COLEC11: variants seen among roughly 807,000 people sequenced by gnomAD.
COLEC11 encodes collectin subfamily member 11, also known as collectin-11.
In COLEC11, 20 loss-of-function variants were observed where a neutral mutation model predicts 27.3. The ratio of observed to expected loss-of-function variants is 0.73; its 90% CI spans 0.51 to 1.06. The LOEUF (loss-of-function observed/expected upper bound fraction) is 1.06, where lower values mean the gene tolerates loss of function less well. Ranked by LOEUF, COLEC11 falls within the 50% of genes least tolerant of loss-of-function variation. The probability of loss-of-function intolerance (pLI) is 0.00; values close to 1 mark genes in which losing one functional copy is unlikely to be tolerated. For synonymous variants in COLEC11, 163 were observed against 154.7 expected, an observed-to-expected ratio of 1.05 and a Z score of -0.40; for missense variants, 310 against 383.0, an observed-to-expected ratio of 0.81 and a Z score of 1.59.
intron 2 of COLEC11, among the ~76,000 whole-genome samples, chr2:3,607,470 G>A (rs1662822165): frequency 3.2e-5 from 1 of 31,070 alleles, no homozygotes; most frequent in Non-Finnish European, 1.1e-4. Flanking sequence ...TTTTTGAGAT[G>A]GAGTTTCTCT....
At chr2:3,596,246 A>G (rs1432304869) in intron 1 of COLEC11, among the ~76,000 whole-genome samples, 1 of 152,154 alleles carries the variant, frequency 6.6e-6, no homozygotes, top group African/African-American at 2.4e-5. Context: ...TGGTGCCTGT[A>G]AGATGCTGGG....
Position 3,637,208 on chromosome 2 carries a change from C to T in COLEC11, c.203-325C>T, listed in dbSNP as rs539942269. Among the ~76,000 whole-genome samples the T allele has an allele frequency of 3.9e-5, 6 of 152,246 alleles. No homozygotes were observed. In the South Asian group the frequency reaches 6.2e-4, roughly 16 times the overall value. ...CTGCCTTGCTGGGATGGAGGAAAGA[C>T]GAGCTCTCGTCTCACACAGGCACGG... On this transcript the variant is annotated intron_variant, in intron 3 of 6. Coordinates refer to ENST00000349077, the MANE Select transcript of COLEC11 (RefSeq NM_024027.5).
At chr2:3,626,258 T>C (rs1290539741) in intron 3 of COLEC11, among the ~76,000 whole-genome samples, 2 of 152,274 alleles carry the variant, frequency 1.3e-5, no homozygotes, top group Non-Finnish European at 2.9e-5. Flanking sequence ...TTAGGCACAA[T>C]GCGGTCCCAG....
In COLEC11 at chr2:3,596,024, C is replaced by T. The variant is rs533925133; in HGVS notation, c.-27+856C>T. 2.2e-4 allele frequency among the ~76,000 whole-genome samples: 33 copies of T among 152,248 alleles called. No homozygotes were observed. The South Asian group carries it at 5.0e-3, about 23-fold the overall frequency. ...GAGAGCACACCGGTAATGTGCTGACCGCTGGGGGAAGATAAGAGAGGATAG... is the reference window on the plus strand; with the variant it reads ...GAGAGCACACCGGTAATGTGCTGACTGCTGGGGGAAGATAAGAGAGGATAG... On this transcript the variant is annotated intron_variant, in intron 1 of 6. Coordinates refer to ENST00000349077, the MANE Select transcript of COLEC11 (RefSeq NM_024027.5).
intron 3 of COLEC11, chr2:3,626,165 C>G: frequency 8.2e-7 from 1 of 1,223,610 alleles, no homozygotes; most frequent in Non-Finnish European, 1.2e-6. Context: ...AACCACTCTT[C>G]CCATGGCCAC....
At chr2:3,619,411 A>G (rs1163157818) in intron 3 of COLEC11, among the ~76,000 whole-genome samples, 1 of 152,184 alleles carries the variant, frequency 6.6e-6, no homozygotes, top group Non-Finnish European at 1.5e-5. Context: ...TGGACTTCTC[A>G]TACATGGCCT....
chr2:3,619,323 G>A (rs919643280), intron 3 of COLEC11, among the ~76,000 whole-genome samples: 1 of 152,012 alleles, frequency 6.6e-6, no homozygotes, highest in African/African-American at 2.4e-5. Context: ...TACAAGAGGC[G>A]AGAATGGGCA....
chr2:3,626,898 G>A (rs1464940198), intron 3 of COLEC11, among the ~76,000 whole-genome samples: 3 of 152,164 alleles, frequency 2.0e-5, no homozygotes, highest in Non-Finnish European at 4.4e-5. Context: ...GGGCGCAGAT[G>A]GGCTGGGAAC....
At chr2:3,617,642 T>C (rs533544472) in intron 3 of COLEC11, 127 of 1,612,166 alleles carry the variant, frequency 7.9e-5, no homozygotes, top group Non-Finnish European at 9.5e-5. Flanking sequence ...TTTCGACTTA[T>C]CGAATTTCTC....
In COLEC11 at chr2:3,644,596, C is replaced by T. The variant is rs1666133550; in HGVS notation, c.*478C>T. On this transcript the variant is annotated 3_prime_UTR_variant, in exon 7 of 7. Transcript: ENST00000349077. Reference sequence around the variant, plus strand: ...TCCATGTAAAAACAATTTTGCTTTGCTTCAAACCCAGATTTCAGGAAAACA... The same window carrying T: ...TCCATGTAAAAACAATTTTGCTTTGTTTCAAACCCAGATTTCAGGAAAACA... 8.1e-6 allele frequency: 3 copies of T among 368,832 alleles called. No homozygotes were observed. The highest frequency in any genetic ancestry group is 6.2e-5 in the South Asian group (3 of 48,412). The allele number at this position is 368,832 out of a possible 1,614,324, so 22.8% of individuals were successfully genotyped here.
intron 5 of COLEC11, chr2:3,641,218 A>T (rs986574915): frequency 2.8e-5 from 37 of 1,304,022 alleles, no homozygotes; most frequent in Non-Finnish European, 3.6e-5. Context: ...GGATTTCTGA[A>T]TAAAAGTCCT....
At position 3,644,529 on chromosome 2, in the gene COLEC11, T is replaced by G; in HGVS notation, c.*411T>G. On this transcript the variant is annotated 3_prime_UTR_variant, in exon 7 of 7. Transcript: ENST00000349077. ...GAAAAGAACTCACTTTGACCAACAC[T>G]TCTGTAAATTACATTACAATATAGG... 1 of 457,192 alleles carries G rather than the reference T, an allele frequency of 2.2e-6. No homozygotes were observed. The highest frequency in any genetic ancestry group is 4.3e-6 in the Non-Finnish European group (1 of 230,928). The allele number at this position is 457,192 out of a possible 1,614,324, so 28.3% of individuals were successfully genotyped here.
In COLEC11 at chr2:3,602,402, T is replaced by C. The variant is rs114561096; in HGVS notation, c.-26-1913T>C. ...TGTTTCTCAGCAGCTGGCTGCACTGTTCACCTGGCTGCTCAGAACAAAAGC... is the reference window on the plus strand; with the variant it reads ...TGTTTCTCAGCAGCTGGCTGCACTGCTCACCTGGCTGCTCAGAACAAAAGC... On this transcript the variant is annotated intron_variant, in intron 1 of 6. Coordinates refer to ENST00000349077, the MANE Select transcript of COLEC11 (RefSeq NM_024027.5). This position sits in a 1 kb window ranked among gnomAD's most constrained non-coding sequence, Gnocchi z 6.2. Among the ~76,000 whole-genome samples the C allele has an allele frequency of 6.6e-3, 1,002 of 152,310 alleles. 3 individuals are homozygous for C. Among genetic ancestry groups the C allele is most frequent in the African/African-American group, 0.023 (949 of 41,556 alleles).
intron 3 of COLEC11, among the ~76,000 whole-genome samples, chr2:3,616,248 G>A (rs376293111): frequency 3.3e-5 from 5 of 150,976 alleles, no homozygotes; most frequent in Non-Finnish European, 4.4e-5. Flanking sequence ...GATGGCGGCC[G>A]GGAAGAGGCG....
chr2:3,635,470 C>T (rs1665333899), intron 3 of COLEC11, among the ~76,000 whole-genome samples: 1 of 152,218 alleles, frequency 6.6e-6, no homozygotes, highest in African/African-American at 2.4e-5. Context: ...CTCCACATCT[C>T]CTGCAGCACG....
intron 3 of COLEC11, among the ~76,000 whole-genome samples, chr2:3,632,836 G>A (rs1363533699): frequency 2.6e-5 from 4 of 152,200 alleles, no homozygotes; most frequent in Non-Finnish European, 4.4e-5. Context: ...GGCAGCGTCA[G>A]AGCACGGGAA....
chr2:3,613,349 C>A lies in COLEC11; in HGVS notation c.169C>A (p.Arg57=), dbSNP rs148207876. ...GEKGDKGAPG[R]PGRVGPTGEK... ...GAAGGGAGACAAAGGCGCCCCCGGA[C>A]GGCCTGGAAGAGTCGGCCCCACGGG... The change falls in exon 3 of 7, where the codon CGG becomes AGG. Residue 57 remains arginine (R), a synonymous_variant. Coordinates refer to ENST00000349077, the MANE Select transcript of COLEC11 (RefSeq NM_024027.5). 19 of 1,609,098 alleles carry A rather than the reference C, an allele frequency of 1.2e-5. No individual in the cohort carries two copies. In the South Asian group the frequency reaches 1.4e-4, roughly 12 times the overall value.
At chr2:3,640,178 T>G (rs896686838) in intron 4 of COLEC11, 100 bp from the exon 5 acceptor site, 1 of 787,428 alleles carries the variant, frequency 1.3e-6, no homozygotes, top group Non-Finnish European at 2.2e-6. Flanking sequence ...GGGCCTGGGA[T>G]AAATCCGCGA....
intron 1 of COLEC11, chr2:3,603,602 C>T (rs1418651520): frequency 6.5e-7 from 1 of 1,549,170 alleles, no homozygotes; most frequent in Non-Finnish European, 8.7e-7. Context: ...CAGGTGTGAG[C>T]CACTGCGCCT....
Sources: allele counts gnomAD v4.1 joint callset (sites outside exome capture counted in the v4.1 genomes callset), GRCh38; gene constraint gnomAD v4.1.1; non-coding constraint Gnocchi (gnomAD v3.1); transcripts MANE v1.5; gene names NCBI Gene and HGNC (gene_info 2026-07-23, HGNC 2026-07-21).